Variants in KCNMB4 observed in about 807,000 individuals in gnomAD.
KCNMB4 encodes the protein calcium-activated potassium channel subunit beta-4.
A neutral mutation model predicts 20.7 loss-of-function variants in KCNMB4; 3 were observed. The ratio of observed to expected loss-of-function variants is 0.14; its 90% CI spans 0.07 to 0.37. The LOEUF (loss-of-function observed/expected upper bound fraction) is 0.37. KCNMB4 is among the 10% of genes least tolerant of loss of function. The pLI is 1.00. For missense variants in KCNMB4, 168 were observed against 265.9 expected (o/e 0.63, Z 2.56); for synonymous variants, 110 against 113.4 (o/e 0.97, Z 0.19).
At chr12:70,376,233 A>G (rs905453830) in intron 1 of KCNMB4, among the ~76,000 whole-genome samples, 1 of 151,966 alleles carries the variant, frequency 6.6e-6, no homozygotes, top group Non-Finnish European at 1.5e-5. Context: ...AGCCTCAGCT[A>G]ATATCATACT....
At chr12:70,373,905 G>C (rs1283100761) in intron 1 of KCNMB4, among the ~76,000 whole-genome samples, 4 of 152,152 alleles carry the variant, frequency 2.6e-5, no homozygotes, top group Non-Finnish European at 5.9e-5. Flanking sequence ...AGGATTACTT[G>C]AGCCTAAGAG....
At chr12:70,413,476 G>A (rs538832404) in intron 2 of KCNMB4, among the ~76,000 whole-genome samples, 17 of 152,192 alleles carry the variant, frequency 1.1e-4, no homozygotes, top group Admixed American at 1.0e-3. Flanking sequence ...TGCGTCAGGA[G>A]ACTCCACTCC....
chr12:70,409,542 A>G (rs1868710204), intron 2 of KCNMB4, among the ~76,000 whole-genome samples: 1 of 152,250 alleles, frequency 6.6e-6, no homozygotes, highest in Non-Finnish European at 1.5e-5. Context: ...AAACAACAAC[A>G]AAATAGCAGA....
At position 70,384,495 on chromosome 12, in the gene KCNMB4, C is replaced by T. The variant is rs139029929; in HGVS notation, c.337-15714C>T. Among the ~76,000 whole-genome samples the T allele has an allele frequency of 2.5e-3, 374 of 152,306 alleles. 2 individuals are homozygous for T. The highest frequency in any genetic ancestry group is 7.8e-3 in the African/African-American group (325 of 41,582). The stretch of plus-strand genomic sequence containing the variant: ...CACGATAATGAATGACTGAAAAGGC[C>T]TCTCACAGTCCCCGTTGGGGAAACA... On this transcript the variant is annotated intron_variant, in intron 1 of 2. Coordinates refer to ENST00000258111, the MANE Select transcript of KCNMB4 (RefSeq NM_014505.6).
At chr12:70,425,260 C>T (rs551199499) in intron 2 of KCNMB4, among the ~76,000 whole-genome samples, 1 of 151,884 alleles carries the variant, frequency 6.6e-6, no homozygotes, top group Non-Finnish European at 1.5e-5. Flanking sequence ...CACAGTGAAA[C>T]CCCGTCTCTA....
intron 1 of KCNMB4, among the ~76,000 whole-genome samples, chr12:70,399,492 T>C (rs1484396677): frequency 2.0e-5 from 3 of 152,258 alleles, no homozygotes. Context: ...GGCATCATCT[T>C]CGTCATCGTT....
intron 1 of KCNMB4, among the ~76,000 whole-genome samples, chr12:70,394,248 T>C (rs1189102058): frequency 3.9e-5 from 4 of 101,608 alleles, no homozygotes; most frequent in African/African-American, 2.3e-4. Context: ...ATAATGCAGA[T>C]TCCTAGTCTT....
chr12:70,375,827 G>T (rs1278871555), intron 1 of KCNMB4, among the ~76,000 whole-genome samples: 1 of 152,006 alleles, frequency 6.6e-6, no homozygotes, highest in Admixed American at 6.6e-5. Context: ...TAGATTCCTG[G>T]ATTTTGTTTG....
At chr12:70,429,078 A>G (rs1869288651) in intron 2 of KCNMB4, among the ~76,000 whole-genome samples, 1 of 152,238 alleles carries the variant, frequency 6.6e-6, no homozygotes, top group South Asian at 2.1e-4. Flanking sequence ...ATGGCACATG[A>G]TAGCTCCACT....
In KCNMB4 at chr12:70,400,312, C is replaced by T. The variant is rs146558731; in HGVS notation, c.440C>T (p.Thr147Ile). The T allele has an allele frequency of 5.0e-5, 80 of 1,605,260 alleles. No individual in the cohort carries two copies. Among genetic ancestry groups the T allele is most frequent in the South Asian group, 1.9e-4 (17 of 88,516 alleles). ...GATGAGATTGGTTCCCAGCCATTTA[C>T]TTGCTATTTTAATCAACATCAAAGG... is the stretch of plus-strand genomic sequence containing the variant. ...WKDEIGSQPFTCYFNQHQRPD... is the reference protein window; with the variant it reads ...WKDEIGSQPFICYFNQHQRPD... Residue 147 changes from threonine (T) to isoleucine (I), a missense_variant, in exon 2 of 3, where the codon ACT (threonine) becomes ATT (isoleucine). Thr to Ile is a moderately conservative substitution (Grantham distance 89). Transcript: ENST00000258111.
chr12:70,406,306 C>A (rs117005776), intron 2 of KCNMB4, among the ~76,000 whole-genome samples: 2 of 152,154 alleles, frequency 1.3e-5, no homozygotes, highest in South Asian at 4.2e-4. Flanking sequence ...CTTAAGTATT[C>A]TTACCACAAT....
At chr12:70,403,294 T>G (rs1050309067) in intron 2 of KCNMB4, among the ~76,000 whole-genome samples, 1 of 152,180 alleles carries the variant, frequency 6.6e-6, no homozygotes, top group Non-Finnish European at 1.5e-5. Context: ...TTGCAAGGGT[T>G]GCTTCACATA....
At chr12:70,429,833 T>G (rs980529411) in intron 2 of KCNMB4, among the ~76,000 whole-genome samples, 1 of 152,144 alleles carries the variant, frequency 6.6e-6, no homozygotes, top group African/African-American at 2.4e-5. Flanking sequence ...AGAAATCTAT[T>G]GCTAGGACTT....
At chr12:70,378,831 C>G (rs972386940) in intron 1 of KCNMB4, among the ~76,000 whole-genome samples, 2 of 152,164 alleles carry the variant, frequency 1.3e-5, no homozygotes, top group African/African-American at 4.8e-5. Context: ...GCCACCACAC[C>G]CAGCCCAAAG....
intron 1 of KCNMB4, among the ~76,000 whole-genome samples, chr12:70,374,859 TGA>T (rs75033192): frequency 0.096 from 14,539 of 152,216 alleles, 786 homozygotes; most frequent in Admixed American, 0.16. Context: ...CAGCATATAT[TGA>T]TATTATATTT....
At chr12:70,370,701 C>T (rs1015334578) in intron 1 of KCNMB4, among the ~76,000 whole-genome samples, 1 of 151,014 alleles carries the variant, frequency 6.6e-6, no homozygotes, top group African/African-American at 2.4e-5. Context: ...TAGTTTAAAA[C>T]CAATAAGTTT....
At chr12:70,394,328 A>G (rs1407883793) in intron 1 of KCNMB4, among the ~76,000 whole-genome samples, 1 of 152,102 alleles carries the variant, frequency 6.6e-6, no homozygotes, top group African/African-American at 2.4e-5. Context: ...GACTTTGACC[A>G]TCTCTGCTCT....
At chr12:70,389,779 T>C (rs141608365) in intron 1 of KCNMB4, among the ~76,000 whole-genome samples, 1 of 152,326 alleles carries the variant, frequency 6.6e-6, no homozygotes, top group Non-Finnish European at 1.5e-5. Flanking sequence ...GGATGCACCT[T>C]AGGCCTGCTG....
intron 1 of KCNMB4, among the ~76,000 whole-genome samples, chr12:70,383,587 A>G (rs1883833493): frequency 6.6e-6 from 1 of 152,200 alleles, no homozygotes; most frequent in Non-Finnish European, 1.5e-5. Context: ...TCCAAAATCA[A>G]ACAGGTCCAT....
Sources: allele counts gnomAD v4.1 joint callset (sites outside exome capture counted in the v4.1 genomes callset), GRCh38; gene constraint gnomAD v4.1.1; transcripts MANE v1.5; gene names NCBI Gene and HGNC (gene_info 2026-07-23, HGNC 2026-07-21).